Variants in JAK2 observed in about 807,000 individuals in gnomAD.
The protein encoded by JAK2 is tyrosine-protein kinase JAK2.
JAK2 carries 86 observed loss-of-function variants against 139.3 expected under a neutral mutation model. The observed-to-expected ratio is 0.62, with a 90% CI of 0.52 to 0.74. JAK2 has a LOEUF of 0.74. JAK2 is among the 30% of genes least tolerant of loss of function. The pLI is 0.00. For missense variants in JAK2, 1,421 were observed against 1,360.3 expected (o/e 1.04, Z -0.70); for synonymous variants, 490 against 437.7 (o/e 1.12, Z -1.49).
chr9:5,028,038 G>A (rs1411265378), intron 3 of JAK2, among the ~76,000 whole-genome samples: 4 of 152,100 alleles, frequency 2.6e-5, no homozygotes, highest in African/African-American at 4.8e-5. Context: ...TTTTCATGAC[G>A]TCTAGAATGG....
rs146632646 is a variant in JAK2, at chr9:5,056,777, T to G, written c.1056+989T>G. On this transcript the variant is annotated intron_variant, in intron 8 of 24. Transcript: ENST00000381652. ...ATGTTTCTGGGAGAGTTTATTGATCTTAATGTGAACAAACTGTAGTAACCC... is the reference window on the plus strand; with the variant it reads ...ATGTTTCTGGGAGAGTTTATTGATCGTAATGTGAACAAACTGTAGTAACCC... Among the ~76,000 whole-genome samples, 136 of 152,300 alleles carry G rather than the reference T, an allele frequency of 8.9e-4. 4 individuals are homozygous for G. In the East Asian group the frequency reaches 0.014, roughly 16 times the overall value.
intron 2 of JAK2, among the ~76,000 whole-genome samples, chr9:5,003,617 A>AT (rs1821070155): frequency 6.6e-6 from 1 of 152,046 alleles, no homozygotes; most frequent in Non-Finnish European, 1.5e-5. Flanking sequence ...GATTCTTTTA[A>AT]ATTTCCTACA....
At chr9:5,081,673 C>G in intron 18 of JAK2, 52 bp from the exon 19 acceptor site, 1 of 1,348,612 alleles carries the variant, frequency 7.4e-7, no homozygotes, top group Non-Finnish European at 1.1e-6. Context: ...TCAGTTTAGT[C>G]CAGAGAATGT....
At position 5,126,354 on chromosome 9, in the gene JAK2, A is replaced by C; in HGVS notation, c.3199A>C (p.Asn1067His). The C allele has an allele frequency of 6.2e-7, 1 of 1,607,976 alleles. No individual in the cohort carries two copies. Among genetic ancestry groups the C allele is most frequent in the Non-Finnish European group, 8.5e-7 (1 of 1,176,568 alleles). Reference protein sequence around the residue: ...PPAEFMRMIGNDKQGQMIVFH... With the variant: ...PPAEFMRMIGHDKQGQMIVFH... The stretch of plus-strand genomic sequence containing the variant: ...TTAGGAATTTATGCGTATGATTGGC[A>C]ATGACAAACAAGGACAGATGATCGT... The change falls in exon 24 of 25, where the codon AAT becomes CAT. Residue 1067 changes from asparagine (N) to histidine (H), a missense_variant. Physicochemically the swap from Asn to His is moderately conservative, Grantham distance 68. Transcript: ENST00000381652.
In JAK2 at chr9:5,022,128, T is replaced by A. The variant is rs149333413; in HGVS notation, c.141T>A (p.Leu47=). 6.2e-7 allele frequency: 1 copy of A among 1,614,136 alleles called. No homozygotes were observed. Among genetic ancestry groups the A allele is most frequent in the Non-Finnish European group, 8.5e-7 (1 of 1,179,976 alleles). ...TTCAGGTGTATCTTTACCATTCCCT[T>A]GGGAAATCTGAGGCAGATTATCTGA... ...PVLQVYLYHS[L]GKSEADYLTF... The change falls in exon 3 of 25, where the codon CTT becomes CTA. Residue 47 remains leucine, a synonymous_variant. Coordinates refer to ENST00000381652, the MANE Select transcript of JAK2 (RefSeq NM_004972.4).
chr9:5,085,445 TGAA>T (rs1195342545), intron 19 of JAK2: 7 of 740,342 alleles, frequency 9.5e-6, no homozygotes, highest in Non-Finnish European at 1.8e-5. Flanking sequence ...GCAGTATTCT[TGAA>T]GGTCTTTTCA....
chr9:5,089,936 T>A, intron 20 of JAK2, 73 bp downstream of exon 20: 1 of 1,044,540 alleles, frequency 9.6e-7, no homozygotes. Flanking sequence ...AAATGTACAA[T>A]GTCTTAACGA....
In JAK2 at chr9:5,016,098, G is replaced by T. The variant is rs184732130; in HGVS notation, c.-25-5865G>T. ...CAGGATGTTACTTTTACTGCCAGCC[G>T]TCGCTTCCCTCCAAATAGACTATTG... On this transcript the variant is annotated intron_variant, in intron 2 of 24. Coordinates refer to ENST00000381652, the MANE Select transcript of JAK2 (RefSeq NM_004972.4). Among the ~76,000 whole-genome samples, 68 of 150,214 alleles carry T rather than the reference G, an allele frequency of 4.5e-4. 1 individual carries two copies. Among genetic ancestry groups the T allele is most frequent in the African/African-American group, 1.7e-3 (66 of 39,704 alleles).
At chr9:5,050,868 A>G (rs754815036) in intron 6 of JAK2, 37 bp downstream of exon 6, 2 of 1,539,568 alleles carry the variant, frequency 1.3e-6, no homozygotes, top group South Asian at 1.1e-5. Flanking sequence ...CATAAGTGTG[A>G]GTAGAGATTT....
intron 3 of JAK2, among the ~76,000 whole-genome samples, chr9:5,025,583 G>A (rs1459183693): frequency 6.8e-6 from 1 of 147,998 alleles, no homozygotes; most frequent in Admixed American, 6.9e-5. Context: ...GCCCAGGCTG[G>A]AGTGCAGCAG....
At chr9:4,995,464 T>C (rs1462647179) in intron 2 of JAK2, among the ~76,000 whole-genome samples, 2 of 152,208 alleles carry the variant, frequency 1.3e-5, no homozygotes, top group African/African-American at 2.4e-5. Context: ...GGACGCAACT[T>C]TTTTCCCCTA....
intron 2 of JAK2, among the ~76,000 whole-genome samples, chr9:5,008,700 G>C (rs78072849): frequency 0.085 from 12,865 of 152,134 alleles, 1,589 homozygotes; most frequent in African/African-American, 0.28. Flanking sequence ...GCTTTGATTT[G>C]TATCGGTACA....
chr9:5,126,758 A>G lies in JAK2; in HGVS notation c.3366A>G (p.Arg1122=), dbSNP rs144558377. ...CCTCCTTTAGGGATCTAGCTCTTCGAGTGGATCAAATAAGGGATAACATGG... is the reference window on the plus strand; with the variant it reads ...CCTCCTTTAGGGATCTAGCTCTTCGGGTGGATCAAATAAGGGATAACATGG... The part of the protein sequence containing the change: ...QRPSFRDLAL[R]VDQIRDNMAG The change falls in exon 25 of 25, where the codon CGA becomes CGG. Residue 1122 remains arginine, a synonymous_variant. Transcript: ENST00000381652. 813 of 1,610,062 alleles carry G rather than the reference A, an allele frequency of 5.0e-4. No individual in the cohort carries two copies. The highest frequency in any genetic ancestry group is 6.4e-4 in the Non-Finnish European group (755 of 1,177,008).
At chr9:4,991,393 A>G (rs1195330066) in intron 2 of JAK2, among the ~76,000 whole-genome samples, 2 of 152,158 alleles carry the variant, frequency 1.3e-5, no homozygotes, top group African/African-American at 2.4e-5. Flanking sequence ...TAGTTTAATA[A>G]ATTATGATTA....
chr9:5,072,076 T>A (rs1818986510), intron 12 of JAK2, among the ~76,000 whole-genome samples: 1 of 152,168 alleles, frequency 6.6e-6, no homozygotes, highest in Non-Finnish European at 1.5e-5. Context: ...AGAGATTAAA[T>A]AGCCTGTACA....
chr9:5,070,492 G>C (rs1818885639), intron 12 of JAK2, among the ~76,000 whole-genome samples: 1 of 152,118 alleles, frequency 6.6e-6, no homozygotes. Flanking sequence ...AGTGGAACCT[G>C]TGGATATGAA....
At chr9:5,091,128 ATTT>A (rs1277022054) in intron 22 of JAK2, 34 of 374,810 alleles carry the variant, frequency 9.1e-5, no homozygotes, top group Admixed American at 3.2e-4. Flanking sequence ...GTGTTGTCTT[ATTT>A]ATAGGGATTG....
chr9:5,011,998 G>T (rs142368646), intron 2 of JAK2, among the ~76,000 whole-genome samples: 2 of 152,266 alleles, frequency 1.3e-5, no homozygotes, highest in East Asian at 1.9e-4. Flanking sequence ...TCTCTTCCCA[G>T]TTCTTTCAGA....
chr9:5,084,173 T>C (rs1819912642), intron 19 of JAK2, among the ~76,000 whole-genome samples: 1 of 152,154 alleles, frequency 6.6e-6, no homozygotes, highest in South Asian at 2.1e-4. Context: ...CAATGAAATA[T>C]ATTTCTTAGT....
Sources: gnomAD v4.1 joint callset for allele counts (sites outside exome capture counted in the v4.1 genomes callset) on GRCh38, gnomAD v4.1.1 for gene constraint, MANE v1.5 for transcripts, NCBI Gene and HGNC (gene_info 2026-07-23, HGNC 2026-07-21) for gene names.